Variants in ATXN1 observed in about 807,000 individuals in gnomAD.
ATXN1 encodes ataxin 1, also known as ataxin-1.
In ATXN1, 8 loss-of-function variants were observed where a neutral mutation model predicts 56.4. That is an observed-to-expected ratio of 0.14 (90% confidence interval 0.08 to 0.26). ATXN1 has a LOEUF of 0.26. Among genes scored for constraint, ATXN1 ranks in the 10% least tolerant of loss-of-function variants. The pLI, the probability that ATXN1 is intolerant of heterozygous loss-of-function variation, is 1.00. For synonymous variants in ATXN1, 514 were observed against 494.6 expected (o/e 1.04, Z -0.52); for missense variants, 987 against 1,106.5 (o/e 0.89, Z 1.53).
At chr6:16,693,787 T>C (rs75384244) in intron 2 of ATXN1, among the ~76,000 whole-genome samples, 2,026 of 152,320 alleles carry the variant, frequency 0.013, 31 homozygotes, top group Middle Eastern at 0.031. Flanking sequence ...TCTTTGAAAA[T>C]TGGTGACCTA....
chr6:16,347,033 G>A (rs937229910), intron 6 of ATXN1, among the ~76,000 whole-genome samples: 6 of 152,254 alleles, frequency 3.9e-5, no homozygotes, highest in African/African-American at 1.4e-4. Context: ...TGGGCCAGCA[G>A]CCGCTGTGCT....
chr6:16,743,306 C>A (rs77394211), intron 2 of ATXN1, among the ~76,000 whole-genome samples: 1,565 of 152,312 alleles, frequency 0.01, 24 homozygotes, highest in African/African-American at 0.035. Context: ...TTGGACCTTT[C>A]TTTCTCCTTA....
chr6:16,553,291 C>T (rs1413066450), intron 4 of ATXN1, among the ~76,000 whole-genome samples: 1 of 152,164 alleles, frequency 6.6e-6, no homozygotes, highest in Non-Finnish European at 1.5e-5. Flanking sequence ...TAAAGACTAT[C>T]CCTTTCATGG....
chr6:16,490,134 CAA>C (rs36120552), intron 5 of ATXN1, among the ~76,000 whole-genome samples: 16,936 of 134,234 alleles, frequency 0.13, 1,226 homozygotes, highest in East Asian at 0.23. Flanking sequence ...GACAAATGAC[CAA>C]AAAAAAAAAA....
intron 4 of ATXN1, among the ~76,000 whole-genome samples, chr6:16,559,407 A>G (rs923000679): frequency 6.6e-6 from 1 of 152,184 alleles, no homozygotes; most frequent in African/African-American, 2.4e-5. Flanking sequence ...GTGGGACTGA[A>G]TACTTTATGG....
At chr6:16,609,954 T>C (rs1763075208) in intron 3 of ATXN1, among the ~76,000 whole-genome samples, 1 of 152,122 alleles carries the variant, frequency 6.6e-6, no homozygotes, top group Non-Finnish European at 1.5e-5. Flanking sequence ...AGGATTTTTT[T>C]TCAATGACTG....
intron 4 of ATXN1, among the ~76,000 whole-genome samples, chr6:16,562,453 A>AAGGAAAGGAGAGGAGACGAG (rs70999338): frequency 2.4e-4 from 28 of 114,698 alleles, no homozygotes; most frequent in Admixed American, 1.1e-3. Flanking sequence ...AAAGAAAGAA[A>AAGGAAAGGAGAGGAGACGAG]AGGAGAGGAG....
chr6:16,525,621 G>C (rs533458712), intron 4 of ATXN1, among the ~76,000 whole-genome samples: 1 of 152,242 alleles, frequency 6.6e-6, no homozygotes, highest in East Asian at 1.9e-4. Context: ...TAGCACAACA[G>C]AGTGACTATA....
At chr6:16,413,415 G>T (rs1758842358) in intron 6 of ATXN1, among the ~76,000 whole-genome samples, 1 of 151,802 alleles carries the variant, frequency 6.6e-6, no homozygotes, top group African/African-American at 2.4e-5. Flanking sequence ...CATTCTTTTT[G>T]TTATAGGCTT....
intron 3 of ATXN1, among the ~76,000 whole-genome samples, chr6:16,651,598 A>AGAG (rs1369786813): frequency 1.3e-5 from 2 of 151,598 alleles, no homozygotes; most frequent in African/African-American, 4.9e-5. Flanking sequence ...AAGCAGAGGA[A>AGAG]GAGGAGGTGT....
In ATXN1 at chr6:16,692,495, T is replaced by C. The variant is rs570984340; in HGVS notation, c.-614-34594A>G. 1.2e-4 allele frequency among the ~76,000 whole-genome samples: 18 copies of C among 152,322 alleles called. No individual in the cohort carries two copies. In the East Asian group the frequency reaches 3.1e-3, roughly 26 times the overall value. On this transcript the variant is annotated intron_variant, in intron 2 of 7. Coordinates refer to ENST00000436367, the MANE Select transcript of ATXN1 (RefSeq NM_001128164.2). ...ATATTAACAAATGTAATCAAAAGATTTGTCTATTTTAAAGACTCAAGAAAG... is the reference window on the plus strand; with the variant it reads ...ATATTAACAAATGTAATCAAAAGATCTGTCTATTTTAAAGACTCAAGAAAG...
At chr6:16,696,045 G>A (rs990383271) in intron 2 of ATXN1, among the ~76,000 whole-genome samples, 2 of 152,034 alleles carry the variant, frequency 1.3e-5, no homozygotes, top group African/African-American at 2.4e-5. Flanking sequence ...CACGTATACC[G>A]ACAGTCCTTA....
chr6:16,687,657 T>TACACACACACACACAC lies in ATXN1; in HGVS notation c.-614-29772_-614-29757dup, dbSNP rs57034032. On this transcript the variant is annotated intron_variant, in intron 2 of 7. Transcript: ENST00000436367. ...AAGCAGCCTGGAATCAAAGAAGAAATACACACACACACACACACACACACA... is the reference window on the plus strand; with the variant it reads ...AAGCAGCCTGGAATCAAAGAAGAAATACACACACACACACACACACACACACACACACACACACACA... Among the ~76,000 whole-genome samples the TACACACACACACACAC allele has an allele frequency of 1.7e-3, 248 of 143,388 alleles. 4 individuals are homozygous for TACACACACACACACAC. The highest frequency in any genetic ancestry group is 0.012 in the East Asian group (57 of 4,796). 94.1% of individuals were successfully genotyped at this position (143,388 alleles called of 152,430 possible).
intron 3 of ATXN1, among the ~76,000 whole-genome samples, chr6:16,625,888 C>T (rs1000191586): frequency 6.6e-6 from 1 of 152,152 alleles, no homozygotes; most frequent in Non-Finnish European, 1.5e-5. Flanking sequence ...CATAAATGTT[C>T]TGATCCCCTT....
intron 6 of ATXN1, among the ~76,000 whole-genome samples, chr6:16,443,128 G>A (rs909920877): frequency 9.6e-5 from 14 of 145,668 alleles, no homozygotes; most frequent in African/African-American, 3.6e-4. Context: ...GCTGCAGTGA[G>A]CCAAGACTGT....
chr6:16,657,223 GTGA>G (rs1758223324), intron 3 of ATXN1, among the ~76,000 whole-genome samples: 1 of 152,006 alleles, frequency 6.6e-6, no homozygotes, highest in Admixed American at 6.6e-5. Context: ...TCCTGACCTC[GTGA>G]TCCGCGCGCC....
intron 2 of ATXN1, among the ~76,000 whole-genome samples, chr6:16,705,101 C>T (rs925867790): frequency 1.3e-5 from 2 of 152,210 alleles, no homozygotes; most frequent in Non-Finnish European, 2.9e-5. Flanking sequence ...CACGATTGCC[C>T]ACAGCAGTTC....
At chr6:16,400,241 T>C (rs1758540087) in intron 6 of ATXN1, among the ~76,000 whole-genome samples, 1 of 152,208 alleles carries the variant, frequency 6.6e-6, no homozygotes, top group Admixed American at 6.5e-5. Flanking sequence ...GTAGCTCTCT[T>C]CTTGCTTCAG....
intron 3 of ATXN1, among the ~76,000 whole-genome samples, chr6:16,642,275 G>A (rs1250615487): frequency 6.6e-6 from 1 of 152,122 alleles, no homozygotes; most frequent in Non-Finnish European, 1.5e-5. Context: ...CGCACCTGTA[G>A]TCCCAGCTAC....
Sources: allele counts gnomAD v4.1 joint callset (sites outside exome capture counted in the v4.1 genomes callset), GRCh38; gene constraint gnomAD v4.1.1; transcripts MANE v1.5; gene names NCBI Gene and HGNC (gene_info 2026-07-23, HGNC 2026-07-21).